NUP50: variants seen among roughly 807,000 people sequenced by gnomAD.
NUP50 encodes nucleoporin 50, also known as nuclear pore complex protein Nup50.
Under a neutral mutation model 36.8 loss-of-function variants are expected in NUP50, and 14 were observed. That is an observed-to-expected ratio of 0.38 (90% CI 0.25 to 0.59). The LOEUF (loss-of-function observed/expected upper bound fraction) is 0.59, where lower values mean the gene tolerates loss of function less well. Ranked by LOEUF, NUP50 falls within the 20% of genes least tolerant of loss-of-function variation. The pLI, the probability that NUP50 is intolerant of heterozygous loss-of-function variation, is 0.63. For synonymous variants in NUP50, 195 were observed against 210.8 expected (o/e 0.93, Z 0.65); for missense variants, 455 against 564.6 (o/e 0.81, Z 1.97).
At chr22:45,182,267 C>A (rs2074384903) in intron 6 of NUP50, among the ~76,000 whole-genome samples, 1 of 152,004 alleles carries the variant, frequency 6.6e-6, no homozygotes, top group Admixed American at 6.6e-5. Flanking sequence ...ATGGTGAAAT[C>A]CCGTCTCTAC....
chr22:45,168,052 C>T (rs1490280991), intron 1 of NUP50, 116 bp from the exon 2 acceptor site: 4 of 757,052 alleles, frequency 5.3e-6, no homozygotes, highest in South Asian at 3.5e-5. Flanking sequence ...CTTTTTTTCC[C>T]TGATAAAAAA....
chr22:45,167,486 C>T (rs1001616423), intron 1 of NUP50, among the ~76,000 whole-genome samples: 2 of 152,158 alleles, frequency 1.3e-5, no homozygotes, highest in Non-Finnish European at 2.9e-5. Flanking sequence ...TCCACTAATG[C>T]CATCGTATTG....
chr22:45,181,906 A>T (rs1423502504), intron 6 of NUP50, among the ~76,000 whole-genome samples: 2 of 152,192 alleles, frequency 1.3e-5, no homozygotes, highest in African/African-American at 2.4e-5. Flanking sequence ...TTACAAAGAT[A>T]TTTGCTGAAA....
chr22:45,178,134 G>A (rs1297715500), intron 4 of NUP50, 104 bp from the exon 5 acceptor site: 1 of 1,002,068 alleles, frequency 1.0e-6, no homozygotes, highest in African/African-American at 1.6e-5. Context: ...GGTGTGGGGG[G>A]AGATACAGTA....
intron 2 of NUP50, among the ~76,000 whole-genome samples, chr22:45,169,463 A>T (rs1344287068): frequency 6.6e-6 from 1 of 152,172 alleles, no homozygotes; most frequent in African/African-American, 2.4e-5. Flanking sequence ...AAACTGTTTC[A>T]GTATAATACA....
chr22:45,170,219 A>G (rs2074165732), intron 2 of NUP50, among the ~76,000 whole-genome samples: 1 of 150,442 alleles, frequency 6.6e-6, no homozygotes, highest in African/African-American at 2.4e-5. Context: ...CCAGCCATTC[A>G]GGGCCACTGC....
chr22:45,185,646 C>CT lies in NUP50; in HGVS notation c.*994dup, dbSNP rs2074458264. ...AGAGAAAATCGTGTGTAAACTTTGC[C>CT]TTTAACTTTAGACCGCAGTATATTA... On this transcript the variant is annotated 3_prime_UTR_variant, in exon 8 of 8. Coordinates refer to ENST00000347635, the MANE Select transcript of NUP50 (RefSeq NM_007172.4). 1 of 152,128 alleles carries CT rather than the reference C, an allele frequency of 6.6e-6. No individual in the cohort carries two copies. Among genetic ancestry groups the CT allele is most frequent in the Non-Finnish European group, 1.5e-5 (1 of 68,034 alleles). The allele number at this position is 152,128 out of a possible 1,614,324, so 9.4% of individuals were successfully genotyped here. A position where few individuals can be genotyped will look rare whatever the true frequency, so the allele number is the denominator to read the frequency against.
intron 3 of NUP50, among the ~76,000 whole-genome samples, chr22:45,172,689 C>T (rs927451933): frequency 7.2e-5 from 11 of 152,070 alleles, no homozygotes; most frequent in Non-Finnish European, 1.6e-4. Flanking sequence ...ATATTCATTA[C>T]ATTGCCAAAG....
intron 5 of NUP50, 125 bp downstream of exon 5, chr22:45,179,025 A>G (rs2074324360): frequency 2.3e-6 from 2 of 884,428 alleles, no homozygotes; most frequent in Middle Eastern, 2.3e-4. Flanking sequence ...TCCATGTGTG[A>G]TCTCAGACAG....
intron 3 of NUP50, among the ~76,000 whole-genome samples, chr22:45,174,398 A>G (rs1189180894): frequency 1.3e-5 from 2 of 152,062 alleles, no homozygotes; most frequent in African/African-American, 4.8e-5. Flanking sequence ...GGTGGTTTCA[A>G]ACTCCTGGGC....
At chr22:45,165,510 C>T (rs1386443628) in intron 1 of NUP50, among the ~76,000 whole-genome samples, 1 of 152,170 alleles carries the variant, frequency 6.6e-6, no homozygotes, top group East Asian at 1.9e-4. Context: ...TTAAGTTCTT[C>T]ATAACAGTAG....
chr22:45,178,088 G>A lies in NUP50; in HGVS notation c.341-150G>A, dbSNP rs192492920. The A allele has an allele frequency of 1.1e-5, 8 of 700,800 alleles. No individual in the cohort carries two copies. In the Admixed American group the frequency reaches 1.8e-4, roughly 15 times the overall value. The allele number at this position is 700,800 out of a possible 1,614,324, so 43.4% of individuals were successfully genotyped here. On this transcript the variant is annotated intron_variant, in intron 4 of 7. Coordinates refer to ENST00000347635, the MANE Select transcript of NUP50 (RefSeq NM_007172.4). Reference sequence around the variant, plus strand: ...TTGCAGTGAGCCAAGATCGTGCCACGGCACTCCAGCCTGGGTGACAGAGCA... The same window carrying A: ...TTGCAGTGAGCCAAGATCGTGCCACAGCACTCCAGCCTGGGTGACAGAGCA...
chr22:45,184,529 C>T lies in NUP50; in HGVS notation c.1281C>T (p.Val427=). The T allele has an allele frequency of 6.2e-7, 1 of 1,613,570 alleles. No individual in the cohort carries two copies. The highest frequency in any genetic ancestry group is 8.5e-7 in the Non-Finnish European group (1 of 1,179,526). ...TRTGKNNVLI[V]CVPNPPIDEK... is the part of the protein sequence containing the mutation. ...CAGGGAAGAATAACGTTCTTATCGT[C>T]TGTGTTCCAAATCCACCAATTGACG... Residue 427 remains valine (V), a synonymous_variant, in exon 8 of 8, where the codon GTC becomes GTT. Coordinates refer to ENST00000347635, the MANE Select transcript of NUP50 (RefSeq NM_007172.4).
chr22:45,169,087 A>G (rs751403925), intron 2 of NUP50, among the ~76,000 whole-genome samples: 2 of 152,064 alleles, frequency 1.3e-5, no homozygotes, highest in Non-Finnish European at 2.9e-5. Context: ...TTTTTAGTAG[A>G]GACAGGGATT....
In NUP50 at chr22:45,185,123, A is replaced by G; in HGVS notation, c.*468A>G. On this transcript the variant is annotated 3_prime_UTR_variant, in exon 8 of 8. Coordinates refer to ENST00000347635, the MANE Select transcript of NUP50 (RefSeq NM_007172.4). ...CGTGTGAGACTTGTTCTGTTACCAAATGAACCGGGCTGCCACGCTGTGACA... is the reference window on the plus strand; with the variant it reads ...CGTGTGAGACTTGTTCTGTTACCAAGTGAACCGGGCTGCCACGCTGTGACA... The G allele has an allele frequency of 5.5e-6, 1 of 182,250 alleles. No homozygotes were observed. The highest frequency in any genetic ancestry group is 2.4e-5 in the African/African-American group (1 of 41,778). The allele number at this position is 182,250 out of a possible 1,614,324, so 11.3% of individuals were successfully genotyped here. A position where few individuals can be genotyped will look rare whatever the true frequency, so the allele number is the denominator to read the frequency against.
chr22:45,165,905 A>C (rs1225285098), intron 1 of NUP50: 1 of 152,246 alleles, frequency 6.6e-6, no homozygotes, highest in Non-Finnish European at 1.5e-5. Context: ...TAACTTGCCC[A>C]AGTTCTCACA....
intron 7 of NUP50, chr22:45,184,197 GCT>G (rs1281211596): frequency 4.0e-6 from 2 of 500,588 alleles, no homozygotes; most frequent in Non-Finnish European, 7.2e-6. Context: ...GAGGCTGCTG[GCT>G]CTGAGAGAAA....
At chr22:45,182,711 G>A (rs1183012793) in intron 6 of NUP50, among the ~76,000 whole-genome samples, 2 of 130,256 alleles carry the variant, frequency 1.5e-5, no homozygotes, top group South Asian at 2.7e-4. Context: ...TGCAAGCTCC[G>A]CCTCCCAGGT....
intron 7 of NUP50, chr22:45,184,211 G>A (rs2074430861): frequency 1.9e-6 from 1 of 522,630 alleles, no homozygotes; most frequent in Non-Finnish European, 3.4e-6. Context: ...TGAGAGAAAC[G>A]CTGTGTGGGT....
Sources: gnomAD v4.1 joint callset for allele counts (sites outside exome capture counted in the v4.1 genomes callset) on GRCh38, gnomAD v4.1.1 for gene constraint, MANE v1.5 for transcripts, NCBI Gene and HGNC (gene_info 2026-07-23, HGNC 2026-07-21) for gene names.